Variants in CHRM3 observed in about 807,000 individuals in gnomAD.
The protein encoded by CHRM3 is muscarinic acetylcholine receptor M3.
A neutral mutation model predicts 41.8 loss-of-function variants in CHRM3; 11 were observed. The observed-to-expected ratio is 0.26, with a 90% confidence interval of 0.17 to 0.44. CHRM3 has a LOEUF of 0.44. CHRM3 is among the 20% of genes least tolerant of loss of function. CHRM3 has a pLI of 1.00. For synonymous variants in CHRM3, 297 were observed against 301.4 expected (o/e 0.99, Z 0.15); for missense variants, 571 against 745.4 (o/e 0.77, Z 2.72).
chr1:239,643,550 G>A lies in CHRM3; in HGVS notation c.-250+11264G>A, dbSNP rs559319016. 6.6e-5 allele frequency among the ~76,000 whole-genome samples: 10 copies of A among 152,292 alleles called. No individual in the cohort carries two copies. In the South Asian group the frequency reaches 8.3e-4, roughly 13 times the overall value. ...CTGTGCTAGTAATCAGCGAGACTCC[G>A]TGGGCGTAGGACCCTCCGAGCCAGG... On this transcript the variant is annotated intron_variant, in intron 4 of 6. Transcript: ENST00000676153.
chr1:239,867,094 C>T (rs1676175707), intron 6 of CHRM3, among the ~76,000 whole-genome samples: 1 of 152,238 alleles, frequency 6.6e-6, no homozygotes, highest in South Asian at 2.1e-4. Flanking sequence ...TTTGCCCAGA[C>T]AGCCATCTTC....
At chr1:239,522,410 G>A (rs775533105) in intron 2 of CHRM3, among the ~76,000 whole-genome samples, 2 of 152,316 alleles carry the variant, frequency 1.3e-5, no homozygotes, top group South Asian at 2.1e-4. Context: ...TAGATCGTCC[G>A]GGTCTAGCCA....
At chr1:239,504,091 G>T (rs1394245452) in intron 2 of CHRM3, among the ~76,000 whole-genome samples, 1 of 152,084 alleles carries the variant, frequency 6.6e-6, no homozygotes, top group Non-Finnish European at 1.5e-5. Flanking sequence ...CTTTTGCACA[G>T]CAAAAGCTTT....
At chr1:239,465,820 A>T (rs1341138323) in intron 1 of CHRM3, among the ~76,000 whole-genome samples, 2 of 152,124 alleles carry the variant, frequency 1.3e-5, no homozygotes, top group South Asian at 4.2e-4. Flanking sequence ...ACGTAGTACC[A>T]AGTATGTAAA....
intron 5 of CHRM3, among the ~76,000 whole-genome samples, chr1:239,789,789 T>C (rs1669193692): frequency 6.6e-6 from 1 of 152,120 alleles, no homozygotes; most frequent in Non-Finnish European, 1.5e-5. Context: ...AATTTCAACA[T>C]GAGGGTTGGA....
chr1:239,787,001 T>C (rs1203462738), intron 5 of CHRM3, among the ~76,000 whole-genome samples: 1 of 152,176 alleles, frequency 6.6e-6, no homozygotes, highest in African/African-American at 2.4e-5. Flanking sequence ...GAAACATTTG[T>C]CAGAGGGGCC....
intron 4 of CHRM3, among the ~76,000 whole-genome samples, chr1:239,641,613 G>T (rs1285760078): frequency 1.4e-5 from 2 of 144,862 alleles, no homozygotes; most frequent in East Asian, 2.0e-4. Context: ...TTTTCCATTT[G>T]CTTGGTAGAT....
chr1:239,720,728 A>G (rs1662885723), intron 5 of CHRM3, among the ~76,000 whole-genome samples: 1 of 151,972 alleles, frequency 6.6e-6, no homozygotes, highest in Admixed American at 6.6e-5. Flanking sequence ...ACGAGAAGAC[A>G]AAGTCTTAAG....
chr1:239,676,947 C>T (rs1658062016), intron 4 of CHRM3, among the ~76,000 whole-genome samples: 1 of 152,166 alleles, frequency 6.6e-6, no homozygotes, highest in South Asian at 2.1e-4. Flanking sequence ...GTTCTGAGCC[C>T]CCACTGGGGC....
rs1449583998 is a variant in CHRM3, at chr1:239,760,172, A to G, written c.-146-67080A>G. 2.4e-4 allele frequency among the ~76,000 whole-genome samples: 36 copies of G among 150,338 alleles called. No individual in the cohort carries two copies. In the East Asian group the frequency reaches 6.3e-3, roughly 26 times the overall value. On this transcript the variant is annotated intron_variant, in intron 5 of 6. Coordinates refer to ENST00000676153, the MANE Select transcript of CHRM3 (RefSeq NM_001375978.1). ...GATCTCCTGACCTCGTGATCCGCCC[A>G]CCTCGGCCCCCCAAAGTGCTAGGAT...
chr1:239,813,916 C>CAAAAAAAAAAAAAAAAAAAA (rs67147618), intron 5 of CHRM3, among the ~76,000 whole-genome samples: 13 of 103,242 alleles, frequency 1.3e-4, no homozygotes, highest in African/African-American at 5.1e-4. Flanking sequence ...GACTCCGTCT[C>CAAAAAAAAAAAAAAAAAAAA]AAAAAAAAAA....
intron 3 of CHRM3, among the ~76,000 whole-genome samples, chr1:239,622,351 C>T (rs971235051): frequency 9.9e-5 from 15 of 152,110 alleles, no homozygotes; most frequent in African/African-American, 3.6e-4. Context: ...AAATACATTT[C>T]ATAAAGCTAT....
intron 5 of CHRM3, among the ~76,000 whole-genome samples, chr1:239,798,441 C>G (rs1669966200): frequency 1.3e-5 from 2 of 152,126 alleles, no homozygotes; most frequent in Non-Finnish European, 2.9e-5. Context: ...TTGATGGCAA[C>G]CCCTTTTTTG....
intron 6 of CHRM3, among the ~76,000 whole-genome samples, chr1:239,904,700 G>A (rs746245798): frequency 9.2e-5 from 14 of 152,120 alleles, no homozygotes; most frequent in Non-Finnish European, 4.4e-5. Context: ...AAAAGTAAAA[G>A]AGAATAGTCT....
chr1:239,561,860 C>T (rs879840666), intron 3 of CHRM3, among the ~76,000 whole-genome samples: 2 of 151,958 alleles, frequency 1.3e-5, no homozygotes, highest in Admixed American at 6.6e-5. Flanking sequence ...AAAATATATC[C>T]TTGAAGATTT....
At chr1:239,497,005 G>A (rs1241428048) in intron 2 of CHRM3, among the ~76,000 whole-genome samples, 1 of 152,118 alleles carries the variant, frequency 6.6e-6, no homozygotes, top group Non-Finnish European at 1.5e-5. Context: ...CAGTTGCATT[G>A]ATATTCCCAA....
chr1:239,475,209 A>G (rs1305361040), intron 1 of CHRM3, among the ~76,000 whole-genome samples: 1 of 152,262 alleles, frequency 6.6e-6, no homozygotes, highest in African/African-American at 2.4e-5. Flanking sequence ...TCCATGTTGT[A>G]TGTGTGAAGG....
Position 239,472,718 on chromosome 1 carries a change from C to T in CHRM3, c.-520-19991C>T, listed in dbSNP as rs1169168308. On this transcript the variant is annotated intron_variant, in intron 1 of 6. Coordinates refer to ENST00000676153, the MANE Select transcript of CHRM3 (RefSeq NM_001375978.1). The stretch of plus-strand genomic sequence containing the variant: ...GGGAGGGGGACAACACCCACTAGGG[C>T]CTGTTGGGGGTGGGATGGAGGAGGG... 2.0e-5 allele frequency among the ~76,000 whole-genome samples: 3 copies of T among 150,578 alleles called. No homozygotes were observed. The East Asian group carries it at 5.9e-4, about 30-fold the overall frequency.
chr1:239,432,167 G>A (rs1558219106), intron 1 of CHRM3, among the ~76,000 whole-genome samples: 1 of 151,824 alleles, frequency 6.6e-6, no homozygotes, highest in African/African-American at 2.4e-5. Context: ...AAGGGGATCT[G>A]GATAAGGAAG....
Sources: allele counts gnomAD v4.1 joint callset (sites outside exome capture counted in the v4.1 genomes callset), GRCh38; gene constraint gnomAD v4.1.1; transcripts MANE v1.5; gene names NCBI Gene and HGNC (gene_info 2026-07-23, HGNC 2026-07-21).